The following TPCN1 variants were observed in gnomAD, a reference collection of about 807,000 sequenced individuals.
TPCN1 encodes two pore channel protein 1.
Under a neutral mutation model 108.8 loss-of-function variants are expected in TPCN1, and 52 were observed. That is an observed-to-expected ratio of 0.48 (90% confidence interval 0.38 to 0.60). The LOEUF (loss-of-function observed/expected upper bound fraction) is 0.60. TPCN1 is among the 20% of genes least tolerant of loss of function. The pLI is 0.00. For synonymous variants in TPCN1, 446 were observed against 433.7 expected (o/e 1.03, Z -0.35); for missense variants, 806 against 1,072.8 (o/e 0.75, Z 3.47).
chr12:113,261,055 G>C (rs1353094430), intron 3 of TPCN1, among the ~76,000 whole-genome samples: 2 of 151,992 alleles, frequency 1.3e-5, no homozygotes, highest in East Asian at 3.9e-4. Flanking sequence ...TTAGCTGGGC[G>C]TTGGTGGGCG....
chr12:113,252,233 C>G (rs1954666048), intron 2 of TPCN1, among the ~76,000 whole-genome samples: 1 of 152,220 alleles, frequency 6.6e-6, no homozygotes, highest in African/African-American at 2.4e-5. Context: ...GTTACCTGCT[C>G]CCAGGAGAAA....
intron 15 of TPCN1, among the ~76,000 whole-genome samples, chr12:113,282,528 T>C (rs1018722473): frequency 1.3e-4 from 19 of 151,240 alleles, no homozygotes; most frequent in African/African-American, 4.1e-4. Context: ...GGCGGGTGGA[T>C]CACTTGAGCC....
In TPCN1 at chr12:113,284,257, T is replaced by C. The variant is rs921011909; in HGVS notation, c.1343-324T>C. Among the ~76,000 whole-genome samples, 1 of 152,384 alleles carries C rather than the reference T, an allele frequency of 6.6e-6. No individual in the cohort carries two copies. Among genetic ancestry groups the C allele is most frequent in the South Asian group, 2.1e-4 (1 of 4,832 alleles). On this transcript the variant is annotated intron_variant, in intron 15 of 27. Transcript: ENST00000335509. The surrounding 1 kb of genome is among the most constrained non-coding windows in gnomAD (Gnocchi z 4.1). Reference sequence around the variant, plus strand: ...GAAGTCTCTAGGGGAAAACAAGTGTTTTCAATACTTGAATGCCTGGTATAT... The same window carrying C: ...GAAGTCTCTAGGGGAAAACAAGTGTCTTCAATACTTGAATGCCTGGTATAT...
At position 113,232,149 on chromosome 12, in the gene TPCN1, G is replaced by A. The variant is rs190136902; in HGVS notation, c.112+5185G>A. On this transcript the variant is annotated intron_variant, in intron 2 of 27. Transcript: ENST00000335509. This position sits in a 1 kb window ranked among gnomAD's most constrained non-coding sequence, Gnocchi z 5.6. Reference sequence around the variant, plus strand: ...ATGCTCCGTCTCTGCTTTGGTGCCGGGTTGTTTATGGTTTTCAGGTGACAG... The same window carrying A: ...ATGCTCCGTCTCTGCTTTGGTGCCGAGTTGTTTATGGTTTTCAGGTGACAG... Among the ~76,000 whole-genome samples the A allele has an allele frequency of 6.6e-6, 1 of 152,352 alleles. No homozygotes were observed. Among genetic ancestry groups the A allele is most frequent in the Admixed American group, 6.5e-5 (1 of 15,310 alleles).
In TPCN1 at chr12:113,266,460, G is replaced by A. The variant is rs981906438; in HGVS notation, c.414+104G>A. The stretch of plus-strand genomic sequence containing the variant: ...TTCTGGGAGGGCAAACACTGCAAAC[G>A]GACTTAAAACAGAGAGATACGAGGT... On this transcript the variant is annotated intron_variant, in intron 4 of 27. Coordinates refer to ENST00000335509, the MANE Select transcript of TPCN1 (RefSeq NM_017901.6). This position sits in a 1 kb window ranked among gnomAD's most constrained non-coding sequence, Gnocchi z 4.2. 1.0e-5 allele frequency: 15 copies of A among 1,461,832 alleles called. No homozygotes were observed. Among genetic ancestry groups the A allele is most frequent in the African/African-American group, 4.2e-5 (3 of 71,992 alleles). The allele number at this position is 1,461,832 out of a possible 1,614,324, so 90.6% of individuals were successfully genotyped here. A position where few individuals can be genotyped will look rare whatever the true frequency, so the allele number is the denominator to read the frequency against.
intron 2 of TPCN1, among the ~76,000 whole-genome samples, chr12:113,233,101 C>T (rs987945953): frequency 2.6e-5 from 4 of 152,164 alleles, no homozygotes; most frequent in African/African-American, 9.7e-5. Flanking sequence ...GCCTTGCAGC[C>T]GAGCCTTGGA....
intron 3 of TPCN1, among the ~76,000 whole-genome samples, chr12:113,262,408 TA>T (rs556927143): frequency 0.1 from 10,648 of 102,742 alleles, 665 homozygotes; most frequent in East Asian, 0.26. Context: ...AGACCCTGTC[TA>T]AAAAAAAAAA....
At chr12:113,261,375 C>T (rs889206554) in intron 3 of TPCN1, among the ~76,000 whole-genome samples, 2 of 137,508 alleles carry the variant, frequency 1.5e-5, no homozygotes, top group Non-Finnish European at 3.1e-5. Context: ...ATGGTATGTG[C>T]AATTTTATAG....
intron 1 of TPCN1, 66 bp from the exon 2 acceptor site, chr12:113,226,662 A>G: frequency 1.6e-6 from 2 of 1,254,052 alleles, no homozygotes; most frequent in Non-Finnish European, 2.2e-6. Flanking sequence ...TAATTTCAGA[A>G]TAGATTCATC....
chr12:113,260,276 T>A, intron 2 of TPCN1, 92 bp from the exon 3 acceptor site: 1 of 1,386,142 alleles, frequency 7.2e-7, no homozygotes, highest in Non-Finnish European at 9.5e-7. Context: ...TGTGAGCATA[T>A]GAAGGGACTG....
chr12:113,259,818 G>A (rs1954956828), intron 2 of TPCN1, among the ~76,000 whole-genome samples: 1 of 152,248 alleles, frequency 6.6e-6, no homozygotes, highest in South Asian at 2.1e-4. Flanking sequence ...AGAGCAAGGA[G>A]GGGATGTTCT....
At chr12:113,224,757 T>A (rs75147158) in intron 1 of TPCN1, among the ~76,000 whole-genome samples, 12,869 of 151,596 alleles carry the variant, frequency 0.085, 675 homozygotes, top group East Asian at 0.17. Context: ...TAAATTAATT[T>A]ATTTATTTAT....
At chr12:113,236,688 C>T (rs1319997972) in intron 2 of TPCN1, among the ~76,000 whole-genome samples, 1 of 151,902 alleles carries the variant, frequency 6.6e-6, no homozygotes, top group Non-Finnish European at 1.5e-5. Context: ...GACTAGCATG[C>T]TGGGGGCAGA....
intron 10 of TPCN1, among the ~76,000 whole-genome samples, chr12:113,274,190 C>T (rs893736401): frequency 2.0e-5 from 3 of 152,170 alleles, no homozygotes; most frequent in Non-Finnish European, 2.9e-5. Flanking sequence ...TGGTGGCTCA[C>T]GCCTGTAATC....
chr12:113,233,024 G>A (rs772278673), intron 2 of TPCN1, among the ~76,000 whole-genome samples: 3 of 152,216 alleles, frequency 2.0e-5, no homozygotes, highest in Non-Finnish European at 4.4e-5. Flanking sequence ...AAGGCAGAGC[G>A]TCGGGTGTCA....
Position 113,288,340 on chromosome 12 carries a change from C to A in TPCN1, c.1706+106C>A. ...CGGGGGAAAGGAGTTCCACAAAGGA[C>A]TGCAATCGAGGGCCTGACGGGGCTC... On this transcript the variant is annotated intron_variant, in intron 20 of 27. Coordinates refer to ENST00000335509, the MANE Select transcript of TPCN1 (RefSeq NM_017901.6). This position sits in a 1 kb window ranked among gnomAD's most constrained non-coding sequence, Gnocchi z 4.8. The A allele has an allele frequency of 6.4e-7, 1 of 1,557,292 alleles. No homozygotes were observed.
chr12:113,226,570 C>T (rs1487434654), intron 1 of TPCN1, among the ~76,000 whole-genome samples, 158 bp from the exon 2 acceptor site: 1 of 152,094 alleles, frequency 6.6e-6, no homozygotes, highest in Admixed American at 6.5e-5. Context: ...TGTGAGCCAC[C>T]GCGCCTGGCC....
In TPCN1 at chr12:113,278,315, G is replaced by A. The variant is rs370777020; in HGVS notation, c.1233+78G>A. ...GGGCAGTGAGGAGCAGGGGCACCCC[G>A]AGATCCAGCTCTCTCCCTGCTAGAG... is the stretch of plus-strand genomic sequence containing the variant. On this transcript the variant is annotated intron_variant, in intron 13 of 27. Coordinates refer to ENST00000335509, the MANE Select transcript of TPCN1 (RefSeq NM_017901.6). The A allele has an allele frequency of 8.7e-5, 112 of 1,289,836 alleles. 1 individual carries two copies. Among genetic ancestry groups the A allele is most frequent in the African/African-American group, 1.3e-4 (9 of 68,516 alleles). 79.9% of individuals were successfully genotyped at this position (1,289,836 alleles called of 1,614,324 possible).
intron 1 of TPCN1, among the ~76,000 whole-genome samples, chr12:113,221,908 C>T (rs551126445): frequency 6.6e-6 from 1 of 152,218 alleles, no homozygotes; most frequent in Non-Finnish European, 1.5e-5. Flanking sequence ...TGTCCTGCCT[C>T]CTTCTTCCTC....
Sources: allele counts gnomAD v4.1 joint callset (sites outside exome capture counted in the v4.1 genomes callset), GRCh38; gene constraint gnomAD v4.1.1; non-coding constraint Gnocchi (gnomAD v3.1); transcripts MANE v1.5; gene names NCBI Gene and HGNC (gene_info 2026-07-23, HGNC 2026-07-21).